The following TRAPPC9 variants were observed in gnomAD, a reference collection of about 807,000 sequenced individuals.
The protein encoded by TRAPPC9 is trafficking protein particle complex subunit 9.
Under a neutral mutation model 124.0 loss-of-function variants are expected in TRAPPC9, and 83 were observed. The ratio of observed to expected loss-of-function variants is 0.67; its 90% CI spans 0.56 to 0.80. The LOEUF (loss-of-function observed/expected upper bound fraction) is 0.80. TRAPPC9 is among the 30% of genes least tolerant of loss of function. The pLI, the probability that TRAPPC9 is intolerant of heterozygous loss-of-function variation, is 0.00. For missense variants in TRAPPC9, 1,302 were observed against 1,508.3 expected, an observed-to-expected ratio of 0.86 and a Z score of 2.27; for synonymous variants, 638 against 617.5, an observed-to-expected ratio of 1.03 and a Z score of -0.49.
intron 17 of TRAPPC9, among the ~76,000 whole-genome samples, chr8:140,118,408 C>A (rs969861277): frequency 6.6e-6 from 1 of 152,194 alleles, no homozygotes. Context: ...CCAGAGATTC[C>A]GTTAGTAGTC....
At chr8:140,049,784 T>C (rs1841866361) in intron 17 of TRAPPC9, among the ~76,000 whole-genome samples, 1 of 151,878 alleles carries the variant, frequency 6.6e-6, no homozygotes. Flanking sequence ...CTGTGTGAGG[T>C]TTTGTGGAAG....
chr8:140,107,136 C>T (rs1563766394), intron 17 of TRAPPC9, among the ~76,000 whole-genome samples: 1 of 152,162 alleles, frequency 6.6e-6, no homozygotes, highest in Non-Finnish European at 1.5e-5. Flanking sequence ...GACCACCATA[C>T]TACAGGCATT....
At chr8:139,868,969 A>G (rs10099496) in intron 21 of TRAPPC9, among the ~76,000 whole-genome samples, 39,453 of 152,146 alleles carry the variant, frequency 0.26, 5,917 homozygotes, top group Admixed American at 0.36. Context: ...ATGTAGAAGG[A>G]AAGTTTAAAA....
chr8:139,994,315 C>T (rs2614750), intron 18 of TRAPPC9, among the ~76,000 whole-genome samples: 96,006 of 152,134 alleles, frequency 0.63, 34,520 homozygotes, highest in East Asian at 0.89. Context: ...GAGAGGATTG[C>T]GCTTCACACT....
chr8:140,171,796 T>G (rs2061970620), intron 17 of TRAPPC9, among the ~76,000 whole-genome samples: 1 of 152,142 alleles, frequency 6.6e-6, no homozygotes, highest in South Asian at 2.1e-4. Context: ...CATGCTAATA[T>G]TTATACTTTT....
At chr8:139,846,713 T>C (rs978065876) in intron 21 of TRAPPC9, among the ~76,000 whole-genome samples, 18 of 152,188 alleles carry the variant, frequency 1.2e-4, no homozygotes, top group Admixed American at 1.1e-3. Flanking sequence ...CGCGAGGCCA[T>C]CCCGGAGTTG....
intron 15 of TRAPPC9, among the ~76,000 whole-genome samples, chr8:140,275,433 T>C (rs1293231227): frequency 6.6e-6 from 1 of 152,230 alleles, no homozygotes; most frequent in Non-Finnish European, 1.5e-5. Flanking sequence ...TTCTGCTGTG[T>C]GTCTTTCATG....
intron 19 of TRAPPC9, among the ~76,000 whole-genome samples, chr8:139,942,425 G>A (rs1833973553): frequency 6.6e-6 from 1 of 152,118 alleles, no homozygotes; most frequent in South Asian, 2.1e-4. Flanking sequence ...TCTAATGGAG[G>A]CAAGATGCTA....
At chr8:139,826,282 G>A (rs1586929205) in intron 21 of TRAPPC9, among the ~76,000 whole-genome samples, 4 of 152,330 alleles carry the variant, frequency 2.6e-5, no homozygotes. Flanking sequence ...TCGGAGGGGC[G>A]CTTCCAGAGG....
Position 140,180,860 on chromosome 8 carries a change from C to CTG in TRAPPC9, c.2556+40597_2556+40598dup, listed in dbSNP as rs148118648. Among the ~76,000 whole-genome samples, 7 of 151,890 alleles carry CTG rather than the reference C, an allele frequency of 4.6e-5. No homozygotes were observed. In the South Asian group the frequency reaches 6.2e-4, roughly 14 times the overall value. On this transcript the variant is annotated intron_variant, in intron 17 of 22. Coordinates refer to ENST00000438773, the MANE Select transcript of TRAPPC9 (RefSeq NM_001160372.4). ...TCAGTAATTTGATTAACTTATGTGA[C>CTG]TGTGTGTGTGTGTCCATCCTGACTG...
At chr8:139,773,265 A>G (rs987193870) in intron 21 of TRAPPC9, among the ~76,000 whole-genome samples, 1 of 152,230 alleles carries the variant, frequency 6.6e-6, no homozygotes, top group African/African-American at 2.4e-5. Flanking sequence ...ACAGGTTTCA[A>G]CGAAAATCCA....
chr8:140,100,229 C>T (rs1347799020), intron 17 of TRAPPC9: 1 of 151,836 alleles, frequency 6.6e-6, no homozygotes, highest in Non-Finnish European at 1.5e-5. Flanking sequence ...CACCCAAGTC[C>T]TCCGCAGCCT....
At chr8:139,932,412 C>G in intron 19 of TRAPPC9, 1 of 457,868 alleles carries the variant, frequency 2.2e-6, no homozygotes, top group Non-Finnish European at 4.4e-6. Context: ...GTATGGCTCC[C>G]TTTCTTTCTC....
chr8:139,735,307 C>T (rs761888220), intron 21 of TRAPPC9, among the ~76,000 whole-genome samples: 65 of 152,234 alleles, frequency 4.3e-4, no homozygotes, highest in Non-Finnish European at 6.6e-4. Flanking sequence ...AGTCACAGCA[C>T]GTCCCAGTAC....
At chr8:140,369,693 T>C (rs1170820120) in intron 8 of TRAPPC9, among the ~76,000 whole-genome samples, 1 of 152,200 alleles carries the variant, frequency 6.6e-6, no homozygotes, top group African/African-American at 2.4e-5. Flanking sequence ...GGCTCATGCC[T>C]GTAATCCCAG....
intron 5 of TRAPPC9, among the ~76,000 whole-genome samples, chr8:140,421,674 A>C (rs2070215473): frequency 6.6e-6 from 1 of 152,192 alleles, no homozygotes; most frequent in Non-Finnish European, 1.5e-5. Flanking sequence ...AACAGGAAAA[A>C]AAGGAAGACA....
chr8:140,425,168 A>G lies in TRAPPC9; in HGVS notation c.886+1447T>C, dbSNP rs112710189. ...TCAGTAGCGAGTCAGTCCTGATACA[A>G]AGGTCCCCAAGAGCAGAGGCCAGAA... is the stretch of plus-strand genomic sequence containing the variant. On this transcript the variant is annotated intron_variant, in intron 5 of 22. Coordinates refer to ENST00000438773, the MANE Select transcript of TRAPPC9 (RefSeq NM_001160372.4). Among the ~76,000 whole-genome samples, 678 of 152,346 alleles carry G rather than the reference A, an allele frequency of 4.5e-3. 6 individuals are homozygous for G. The highest frequency in any genetic ancestry group is 0.015 in the African/African-American group (643 of 41,572).
intron 6 of TRAPPC9, 124 bp downstream of exon 6, chr8:140,405,453 G>A: frequency 5.6e-6 from 6 of 1,071,888 alleles, no homozygotes; most frequent in South Asian, 1.4e-5. Flanking sequence ...GCATTAGAGA[G>A]CAAGACATGA....
chr8:140,268,515 C>T (rs56161032), intron 15 of TRAPPC9, among the ~76,000 whole-genome samples: 37,493 of 152,100 alleles, frequency 0.25, 5,049 homozygotes, highest in African/African-American at 0.35. Flanking sequence ...AACCCTGTTG[C>T]TTTGAAAATG....
Sources: gnomAD v4.1 joint callset for allele counts (sites outside exome capture counted in the v4.1 genomes callset) on GRCh38, gnomAD v4.1.1 for gene constraint, MANE v1.5 for transcripts, NCBI Gene and HGNC (gene_info 2026-07-23, HGNC 2026-07-21) for gene names.